Variants in LCORL observed in about 807,000 individuals in gnomAD.
The protein encoded by LCORL is ligand dependent nuclear receptor corepressor like.
LCORL carries 41 observed loss-of-function variants against 141.8 expected under a neutral mutation model. The ratio of observed to expected loss-of-function variants is 0.29; its 90% CI spans 0.23 to 0.38. The LOEUF is 0.38. Among genes scored for constraint, LCORL ranks in the 10% least tolerant of loss-of-function variants. The probability of loss-of-function intolerance (pLI) is 1.00; values close to 1 mark genes in which losing one functional copy is unlikely to be tolerated. For synonymous variants in LCORL, 618 were observed against 694.1 expected (o/e 0.89, Z 1.72); for missense variants, 1,759 against 2,035.0 (o/e 0.86, Z 2.61).
At chr4:18,016,080 C>T (rs971765943) in intron 1 of LCORL, among the ~76,000 whole-genome samples, 6 of 151,894 alleles carry the variant, frequency 4.0e-5, no homozygotes, top group Middle Eastern at 3.2e-3. Context: ...TAACATGTTC[C>T]ATGATCTTTT....
At chr4:17,996,540 C>A (rs185526054) in intron 1 of LCORL, among the ~76,000 whole-genome samples, 5 of 151,974 alleles carry the variant, frequency 3.3e-5, no homozygotes, top group African/African-American at 9.6e-5. Context: ...TATATACCTC[C>A]AGGATGGAAG....
chr4:17,901,300 T>C (rs1730828517), intron 5 of LCORL, among the ~76,000 whole-genome samples: 1 of 151,734 alleles, frequency 6.6e-6, no homozygotes, highest in Admixed American at 6.6e-5. Flanking sequence ...GACTATTCGT[T>C]GGCAGTCACA....
chr4:17,877,695 G>C, exon 7 of LCORL: 1 of 1,230,400 alleles, frequency 8.1e-7, no homozygotes, highest in Non-Finnish European at 1.0e-6. Context: ...AGATCTACAG[G>C]CATCTTTAAG....
chr4:17,906,123 T>A (rs1731572816), intron 5 of LCORL, among the ~76,000 whole-genome samples: 1 of 152,192 alleles, frequency 6.6e-6, no homozygotes, highest in Non-Finnish European at 1.5e-5. Context: ...GAAAGACTGG[T>A]ACACATACTG....
chr4:17,847,343 C>T (rs1487523016), intron 7 of LCORL, among the ~76,000 whole-genome samples: 2 of 152,148 alleles, frequency 1.3e-5, no homozygotes, highest in South Asian at 4.1e-4. Flanking sequence ...GAAATGGGAG[C>T]GTCCAGACTC....
exon 7 of LCORL, chr4:17,876,428 C>T: frequency 3.2e-6 from 4 of 1,230,868 alleles, no homozygotes; most frequent in Non-Finnish European, 4.1e-6. Flanking sequence ...CTGATAATGG[C>T]TGATTATTCC....
At chr4:17,947,171 C>T (rs957723369) in intron 4 of LCORL, among the ~76,000 whole-genome samples, 2 of 151,830 alleles carry the variant, frequency 1.3e-5, no homozygotes, top group African/African-American at 2.4e-5. Flanking sequence ...TATGTGTATG[C>T]GTACACACAC....
At chr4:17,933,702 TC>T (rs1223268971) in intron 4 of LCORL, among the ~76,000 whole-genome samples, 1 of 152,060 alleles carries the variant, frequency 6.6e-6, no homozygotes, top group Non-Finnish European at 1.5e-5. Flanking sequence ...ATTTCATATG[TC>T]CTATACTCTA....
At position 17,992,632 on chromosome 4, in the gene LCORL, A is replaced by C. The variant is rs114570620; in HGVS notation, c.155-19747T>G. ...AATTCTACATTATAAAATTTGCTTA[A>C]GTGTATGCAATTATTATCAGTCAAG... On this transcript the variant is annotated intron_variant, in intron 1 of 7. Coordinates refer to ENST00000635767, the Ensembl canonical transcript of LCORL. Among the ~76,000 whole-genome samples, 405 of 152,276 alleles carry C rather than the reference A, an allele frequency of 2.7e-3. 3 individuals are homozygous for C. Among genetic ancestry groups the C allele is most frequent in the African/African-American group, 9.2e-3 (382 of 41,556 alleles).
At position 17,961,919 on chromosome 4, in the gene LCORL, T is replaced by C. The variant is rs775548428; in HGVS notation, c.414A>G (p.Ala138=). ...CAATATTACCTTTCTTTCGAAAGAG[T>C]GCATTTAGGTAATTTTCTGCTTGGC... The change falls in exon 4 of 8, where the codon GCA becomes GCG. Residue 138 remains alanine (A), a synonymous_variant. Coordinates refer to ENST00000635767, the Ensembl canonical transcript of LCORL. 31 of 1,609,284 alleles carry C rather than the reference T, an allele frequency of 1.9e-5. No homozygotes were observed. The East Asian group carries it at 5.4e-4, about 28-fold the overall frequency.
At chr4:17,912,398 CG>C in intron 4 of LCORL, 1 of 632,484 alleles carries the variant, frequency 1.6e-6, no homozygotes, top group East Asian at 3.6e-5. Context: ...AGGGTGACTG[CG>C]GAGGTAGATG....
chr4:17,992,282 A>G (rs1285856481), intron 1 of LCORL, among the ~76,000 whole-genome samples: 1 of 152,096 alleles, frequency 6.6e-6, no homozygotes, highest in African/African-American at 2.4e-5. Context: ...CCTTATATAA[A>G]ACCATCAGAT....
Position 17,930,282 on chromosome 4 carries a change from T to C in LCORL, c.431-20937A>G, listed in dbSNP as rs966450854. On this transcript the variant is annotated intron_variant, in intron 4 of 7. Transcript: ENST00000635767. ...ACTCAGGAGGCTGAGAACCGAAGAC[T>C]GCTTGAGCCCAGATGTTTGAGTCCA... is the stretch of plus-strand genomic sequence containing the variant. Among the ~76,000 whole-genome samples, 58 of 152,190 alleles carry C rather than the reference T, an allele frequency of 3.8e-4. 1 individual carries two copies. Among genetic ancestry groups the C allele is most frequent in the Non-Finnish European group, 8.8e-5 (6 of 68,032 alleles).
intron 5 of LCORL, among the ~76,000 whole-genome samples, chr4:17,895,586 A>C (rs1262480885): frequency 6.6e-6 from 1 of 152,152 alleles, no homozygotes; most frequent in Admixed American, 6.5e-5. Context: ...TGATCCCGTA[A>C]TCTTGGCTAT....
At position 17,917,312 on chromosome 4, in the gene LCORL, C is replaced by T. The variant is rs142612072; in HGVS notation, c.431-7967G>A. 2.2e-3 allele frequency among the ~76,000 whole-genome samples: 328 copies of T among 152,282 alleles called. 1 individual carries two copies. The highest frequency in any genetic ancestry group is 7.0e-3 in the African/African-American group (292 of 41,554). ...GGTTCAAGTGATTCTCCTGCCTCAG[C>T]CTCCCCAATAGCTGGGATCACAGGG... On this transcript the variant is annotated intron_variant, in intron 4 of 7. Transcript: ENST00000635767.
In LCORL at chr4:18,004,896, G is replaced by A. The variant is rs576874752; in HGVS notation, c.154+16702C>T. On this transcript the variant is annotated intron_variant, in intron 1 of 7. Coordinates refer to ENST00000635767, the Ensembl canonical transcript of LCORL. ...AAAACAAAGGGGCTACAGGCCCCAT[G>A]CAAATCCGAAATCCAGCAGGGCAGT... Among the ~76,000 whole-genome samples the A allele has an allele frequency of 1.3e-4, 20 of 151,804 alleles. No individual in the cohort carries two copies. In the South Asian group the frequency reaches 4.2e-3, roughly 32 times the overall value.
intron 5 of LCORL, among the ~76,000 whole-genome samples, chr4:17,896,914 T>C (rs909108937): frequency 2.0e-4 from 31 of 151,984 alleles, no homozygotes; most frequent in African/African-American, 7.0e-4. Context: ...CCTTCTACTA[T>C]CTCCATGAGT....
chr4:17,973,229 ATTGT>A (rs1560425395), intron 1 of LCORL, among the ~76,000 whole-genome samples: 2 of 151,858 alleles, frequency 1.3e-5, no homozygotes, highest in South Asian at 2.1e-4. Flanking sequence ...AAGACACATA[ATTGT>A]TTATGTTTGT....
In LCORL at chr4:17,843,641, T is replaced by C. The variant is rs996156780; in HGVS notation, c.*2247A>G. ...TGCATCAGTCAGTCACACAGATTTA[T>C]CACAATCTGAGGTGGGCCTAGGAAT... On this transcript the variant is annotated 3_prime_UTR_variant, in exon 8 of 8. Transcript: ENST00000635767. 13 of 386,440 alleles carry C rather than the reference T, an allele frequency of 3.4e-5. 1 individual carries two copies. Among genetic ancestry groups the C allele is most frequent in the South Asian group, 1.4e-4 (3 of 21,630 alleles). The allele number at this position is 386,440 out of a possible 1,614,324, so 23.9% of individuals were successfully genotyped here. A position where few individuals can be genotyped will look rare whatever the true frequency, so the allele number is the denominator to read the frequency against.
Sources: gnomAD v4.1 joint callset for allele counts (sites outside exome capture counted in the v4.1 genomes callset) on GRCh38, gnomAD v4.1.1 for gene constraint, MANE v1.5 for transcripts, NCBI Gene and HGNC (gene_info 2026-07-23, HGNC 2026-07-21) for gene names.